The following ADAMTS16 variants were observed in gnomAD, a reference collection of about 807,000 sequenced individuals.
The protein encoded by ADAMTS16 is A disintegrin and metalloproteinase with thrombospondin motifs 16.
ADAMTS16 carries 94 observed loss-of-function variants against 145.8 expected under a neutral mutation model. That is an observed-to-expected ratio of 0.64 (90% confidence interval 0.55 to 0.77). The LOEUF (loss-of-function observed/expected upper bound fraction) is 0.77. Ranked by LOEUF, ADAMTS16 falls within the 30% of genes least tolerant of loss-of-function variation. The probability of loss-of-function intolerance (pLI) is 0.00; values close to 1 mark genes in which losing one functional copy is unlikely to be tolerated. For missense variants in ADAMTS16, 1,585 were observed against 1,591.5 expected (o/e 1.00, Z 0.07); for synonymous variants, 659 against 604.3 (o/e 1.09, Z -1.33).
In ADAMTS16 at chr5:5,306,502, A is replaced by G; in HGVS notation, c.3187-2A>G. 6.2e-7 allele frequency: 1 copy of G among 1,606,232 alleles called. No individual in the cohort carries two copies. The stretch of plus-strand genomic sequence containing the variant: ...TGACTTCTTTTGTTCTCTTCTTTTT[A>G]GTGCTCTGTGACATGTGAAAGAGGA... On this transcript the variant is annotated splice_acceptor_variant, in intron 20 of 22. Transcript: ENST00000274181. LOFTEE classifies it high-confidence loss of function.
In ADAMTS16 at chr5:5,310,888, G is replaced by A. The variant is rs1009334706; in HGVS notation, c.3411+4160G>A. Among the ~76,000 whole-genome samples the A allele has an allele frequency of 2.6e-5, 4 of 152,196 alleles. No individual in the cohort carries two copies. The highest frequency in any genetic ancestry group is 1.3e-4 in the Admixed American group (2 of 15,280). On this transcript the variant is annotated intron_variant, in intron 21 of 22. Coordinates refer to ENST00000274181, the MANE Select transcript of ADAMTS16 (RefSeq NM_139056.4). This position sits in a 1 kb window ranked among gnomAD's most constrained non-coding sequence, Gnocchi z 4.3. ...CTCATTTTGTCTGTTCCTGACCCCA[G>A]AGAGGGTCAGCTGCCTGAAGGCAAG...
At chr5:5,284,121 C>G (rs569804475) in intron 18 of ADAMTS16, among the ~76,000 whole-genome samples, 1 of 152,076 alleles carries the variant, frequency 6.6e-6, no homozygotes, top group Non-Finnish European at 1.5e-5. Context: ...AGAAAACACA[C>G]CATATATTTC....
intron 17 of ADAMTS16, among the ~76,000 whole-genome samples, chr5:5,261,079 C>A (rs984729663): frequency 1.3e-5 from 2 of 152,266 alleles, no homozygotes; most frequent in Admixed American, 1.3e-4. Flanking sequence ...ACTCTTAGAT[C>A]TGAATATATT....
chr5:5,243,822 C>T (rs1053443547), intron 17 of ADAMTS16, among the ~76,000 whole-genome samples: 1 of 152,168 alleles, frequency 6.6e-6, no homozygotes, highest in Admixed American at 6.5e-5. Context: ...GTGTTCTCAG[C>T]TGCTAACAGG....
At chr5:5,244,387 G>A (rs1453010319) in intron 17 of ADAMTS16, among the ~76,000 whole-genome samples, 1 of 152,188 alleles carries the variant, frequency 6.6e-6, no homozygotes, top group Non-Finnish European at 1.5e-5. Flanking sequence ...CCTACTATGT[G>A]CTTTCACATA....
chr5:5,266,888 T>C (rs1459215877), intron 18 of ADAMTS16, among the ~76,000 whole-genome samples: 1 of 152,222 alleles, frequency 6.6e-6, no homozygotes, highest in Non-Finnish European at 1.5e-5. Flanking sequence ...AATACAATTA[T>C]TGAATTTCAG....
chr5:5,212,595 T>C (rs1473735760), intron 10 of ADAMTS16, among the ~76,000 whole-genome samples: 1 of 152,174 alleles, frequency 6.6e-6, no homozygotes, highest in Non-Finnish European at 1.5e-5. Context: ...TTGATACTAA[T>C]ATAGCCACAT....
intron 18 of ADAMTS16, among the ~76,000 whole-genome samples, chr5:5,287,087 A>T (rs1395928125): frequency 1.3e-5 from 2 of 152,126 alleles, no homozygotes; most frequent in Non-Finnish European, 2.9e-5. Context: ...CCTACTCAAT[A>T]TATTCATTTC....
intron 3 of ADAMTS16, among the ~76,000 whole-genome samples, chr5:5,148,087 A>C (rs1195864681): frequency 7.0e-6 from 1 of 142,058 alleles, no homozygotes; most frequent in Non-Finnish European, 1.5e-5. Context: ...AGAAATTATA[A>C]ATAACAGAAA....
At chr5:5,237,145 T>C in intron 14 of ADAMTS16, 46 bp downstream of exon 14, 1 of 1,593,174 alleles carries the variant, frequency 6.3e-7, no homozygotes, top group East Asian at 2.2e-5. Context: ...CCGGACAGTC[T>C]GCTTTGTGTC....
At chr5:5,147,030 C>T (rs1187623886) in intron 3 of ADAMTS16, among the ~76,000 whole-genome samples, 6 of 152,148 alleles carry the variant, frequency 3.9e-5, no homozygotes, top group Non-Finnish European at 8.8e-5. Flanking sequence ...TTTGGAATGG[C>T]ACATCACTTC....
chr5:5,312,130 C>T (rs756998691), intron 21 of ADAMTS16, among the ~76,000 whole-genome samples: 56 of 152,072 alleles, frequency 3.7e-4, no homozygotes, highest in African/African-American at 8.2e-4. Flanking sequence ...ACTGGGAACC[C>T]GGGGAGAAGC....
intron 10 of ADAMTS16, among the ~76,000 whole-genome samples, chr5:5,213,838 T>C (rs952937267): frequency 6.6e-6 from 1 of 152,212 alleles, no homozygotes; most frequent in Non-Finnish European, 1.5e-5. Flanking sequence ...GGTCCTCTGC[T>C]AGGACACCTG....
At chr5:5,218,792 G>A (rs981579222) in intron 10 of ADAMTS16, among the ~76,000 whole-genome samples, 1 of 151,988 alleles carries the variant, frequency 6.6e-6, no homozygotes, top group African/African-American at 2.4e-5. Flanking sequence ...CCAGTGGCCA[G>A]ACCCTTCTCT....
At position 5,303,568 on chromosome 5, in the gene ADAMTS16, G is replaced by A. The variant is rs1739886960; in HGVS notation, c.2992-4G>A. 2.5e-6 allele frequency: 4 copies of A among 1,613,940 alleles called. No homozygotes were observed. Among genetic ancestry groups the A allele is most frequent in the Non-Finnish European group, 3.4e-6 (4 of 1,180,010 alleles). ...TGGGTGCTTATCCTGACTGTTCTGT[G>A]CAGTGCTCACACACCTGTGGGAAGG... On this transcript the variant is annotated splice_polypyrimidine_tract_variant and splice_region_variant and intron_variant, in intron 19 of 22. Transcript: ENST00000274181.
chr5:5,213,460 T>C (rs573694041), intron 10 of ADAMTS16, among the ~76,000 whole-genome samples: 24 of 152,332 alleles, frequency 1.6e-4, no homozygotes, highest in African/African-American at 5.1e-4. Flanking sequence ...TTATAGTTTC[T>C]GTTTATCTTC....
chr5:5,248,644 T>C (rs2126404523), intron 17 of ADAMTS16, among the ~76,000 whole-genome samples: 1 of 152,354 alleles, frequency 6.6e-6, no homozygotes, highest in South Asian at 2.1e-4. Flanking sequence ...AAATAATACC[T>C]GAGTCTCCAT....
chr5:5,177,801 A>T (rs1177013266), intron 3 of ADAMTS16, among the ~76,000 whole-genome samples: 2 of 152,188 alleles, frequency 1.3e-5, no homozygotes, highest in South Asian at 2.1e-4. Flanking sequence ...GATAATTAAA[A>T]TGCATCTTTC....
At chr5:5,190,696 A>G (rs1735641038) in intron 7 of ADAMTS16, among the ~76,000 whole-genome samples, 1 of 152,090 alleles carries the variant, frequency 6.6e-6, no homozygotes, top group Admixed American at 6.5e-5. Context: ...CCAAGTTCCT[A>G]GGGAGGAAGG....
Sources: allele counts gnomAD v4.1 joint callset (sites outside exome capture counted in the v4.1 genomes callset), GRCh38; gene constraint gnomAD v4.1.1; non-coding constraint Gnocchi (gnomAD v3.1); transcripts MANE v1.5; gene names NCBI Gene and HGNC (gene_info 2026-07-23, HGNC 2026-07-21).